DKK2: variants seen among roughly 807,000 people sequenced by gnomAD.
DKK2 encodes dickkopf-related protein 2.
DKK2 carries 11 observed loss-of-function variants against 28.1 expected under a neutral mutation model. The ratio of observed to expected loss-of-function variants is 0.39; its 90% CI spans 0.25 to 0.65. DKK2 has a LOEUF of 0.65. DKK2 is among the 30% of genes least tolerant of loss of function. The pLI, the probability that DKK2 is intolerant of heterozygous loss-of-function variation, is 0.47. For missense variants in DKK2, 326 were observed against 335.5 expected, an observed-to-expected ratio of 0.97 and a Z score of 0.22; for synonymous variants, 135 against 126.5, an observed-to-expected ratio of 1.07 and a Z score of -0.45.
intron 1 of DKK2, among the ~76,000 whole-genome samples, chr4:106,975,189 T>C (rs377253493): frequency 6.6e-6 from 1 of 152,160 alleles, no homozygotes; most frequent in East Asian, 1.9e-4. Flanking sequence ...TCAGGGACAT[T>C]GGTCTGAAAT....
chr4:106,938,793 A>C (rs1261969996), intron 1 of DKK2, among the ~76,000 whole-genome samples: 1 of 151,818 alleles, frequency 6.6e-6, no homozygotes, highest in Non-Finnish European at 1.5e-5. Context: ...CCTGGGATGC[A>C]AGGCTGGTTC....
At chr4:106,938,952 G>C (rs953679144) in intron 1 of DKK2, among the ~76,000 whole-genome samples, 2 of 151,416 alleles carry the variant, frequency 1.3e-5, no homozygotes, top group African/African-American at 4.9e-5. Flanking sequence ...GGTATTGATG[G>C]GATGTATTTC....
chr4:106,977,872 A>C (rs1294458265), intron 1 of DKK2, among the ~76,000 whole-genome samples: 1 of 151,956 alleles, frequency 6.6e-6, no homozygotes, highest in East Asian at 1.9e-4. Flanking sequence ...ATCATCATGG[A>C]TTTATCTACC....
intron 1 of DKK2, among the ~76,000 whole-genome samples, chr4:106,974,218 A>G (rs1484901111): frequency 2.6e-5 from 4 of 152,164 alleles, no homozygotes; most frequent in African/African-American, 9.7e-5. Flanking sequence ...TGTCTTGGCT[A>G]TATGGGCTCT....
chr4:106,952,428 T>A (rs1722475312), intron 1 of DKK2, among the ~76,000 whole-genome samples: 1 of 152,186 alleles, frequency 6.6e-6, no homozygotes, highest in African/African-American at 2.4e-5. Flanking sequence ...ATAGCAGAAC[T>A]TTCTTAAGCC....
chr4:106,959,057 T>A (rs573275701), intron 1 of DKK2, among the ~76,000 whole-genome samples: 1 of 150,856 alleles, frequency 6.6e-6, no homozygotes, highest in Admixed American at 6.6e-5. Context: ...TAAATACATA[T>A]GTGTAAATTT....
intron 1 of DKK2, among the ~76,000 whole-genome samples, chr4:107,034,976 A>G (rs911160932): frequency 4.6e-5 from 7 of 152,332 alleles, no homozygotes; most frequent in Non-Finnish European, 8.8e-5. Context: ...AAATGAGTGA[A>G]TATGTAAAAC....
At chr4:107,012,669 T>C (rs189541513) in intron 1 of DKK2, among the ~76,000 whole-genome samples, 3 of 151,358 alleles carry the variant, frequency 2.0e-5, no homozygotes, top group Non-Finnish European at 1.5e-5. Context: ...AGGAAACTTG[T>C]AAAAGCTTTA....
At chr4:106,983,962 C>A (rs4364337) in intron 1 of DKK2, among the ~76,000 whole-genome samples, 32,115 of 152,052 alleles carry the variant, frequency 0.21, 3,638 homozygotes, top group East Asian at 0.42. Context: ...AGAGAGCCCT[C>A]GGGCTGGTGA....
chr4:106,932,812 C>A (rs1053711513), intron 1 of DKK2, among the ~76,000 whole-genome samples: 3 of 152,138 alleles, frequency 2.0e-5, no homozygotes, highest in African/African-American at 7.2e-5. Flanking sequence ...AAAACATTTT[C>A]ATTGTTGCCT....
rs142288420 is a variant in DKK2, at chr4:107,022,909, C to T, written c.222+12461G>A. Among the ~76,000 whole-genome samples the T allele has an allele frequency of 1.6e-3, 237 of 151,932 alleles. 1 individual carries two copies. The highest frequency in any genetic ancestry group is 4.2e-3 in the South Asian group (20 of 4,792). On this transcript the variant is annotated intron_variant, in intron 1 of 3. Coordinates refer to ENST00000285311, the MANE Select transcript of DKK2 (RefSeq NM_014421.3). ...CTAACTTGGTCAAATGGTTGGGTGG[C>T]GATGCTAATGGCCTTTATATGGAAT...
chr4:106,937,152 A>G (rs1724602663), intron 1 of DKK2, among the ~76,000 whole-genome samples: 1 of 150,308 alleles, frequency 6.7e-6, no homozygotes, highest in Non-Finnish European at 1.5e-5. Context: ...AAATGCTCCA[A>G]TTAAAAGACA....
chr4:106,944,359 G>A (rs1010821168), intron 1 of DKK2, among the ~76,000 whole-genome samples: 5 of 152,010 alleles, frequency 3.3e-5, no homozygotes, highest in East Asian at 1.9e-4. Flanking sequence ...CATCAGAAAG[G>A]CAGACAATGC....
At chr4:106,997,950 G>A (rs985552261) in intron 1 of DKK2, among the ~76,000 whole-genome samples, 4 of 152,134 alleles carry the variant, frequency 2.6e-5, no homozygotes, top group African/African-American at 9.7e-5. Flanking sequence ...CTCTTCTAGA[G>A]GACATAATGG....
Position 106,976,654 on chromosome 4 carries a change from C to T in DKK2, c.223-50705G>A, listed in dbSNP as rs559678430. Among the ~76,000 whole-genome samples, 4 of 152,260 alleles carry T rather than the reference C, an allele frequency of 2.6e-5. No homozygotes were observed. In the South Asian group the frequency reaches 8.3e-4, roughly 32 times the overall value. ...TGTCTTTGCACATGAGATGGGTCCC[C>T]TGAATACAGCACACCAATGGGTTTT... On this transcript the variant is annotated intron_variant, in intron 1 of 3. Coordinates refer to ENST00000285311, the MANE Select transcript of DKK2 (RefSeq NM_014421.3).
At chr4:106,990,288 G>A (rs924916413) in intron 1 of DKK2, among the ~76,000 whole-genome samples, 3 of 152,128 alleles carry the variant, frequency 2.0e-5, no homozygotes, top group African/African-American at 7.2e-5. Flanking sequence ...GCTTCAAATT[G>A]GATGATGCAG....
intron 1 of DKK2, among the ~76,000 whole-genome samples, chr4:107,017,787 AGTT>A (rs1249387338): frequency 6.6e-6 from 1 of 151,988 alleles, no homozygotes; most frequent in African/African-American, 2.4e-5. Flanking sequence ...TTACTTTTAC[AGTT>A]GTTTTGTCAA....
At chr4:107,010,429 C>A (rs1723500074) in intron 1 of DKK2, among the ~76,000 whole-genome samples, 1 of 151,532 alleles carries the variant, frequency 6.6e-6, no homozygotes. Flanking sequence ...CAATTTAAGC[C>A]AAATCCAATA....
intron 1 of DKK2, among the ~76,000 whole-genome samples, chr4:107,030,390 A>T (rs1315754151): frequency 3.3e-5 from 5 of 152,064 alleles, no homozygotes; most frequent in Non-Finnish European, 2.9e-5. Flanking sequence ...GTGTAATCTT[A>T]AAGCGATGCT....
Sources: gnomAD v4.1 joint callset for allele counts (sites outside exome capture counted in the v4.1 genomes callset) on GRCh38, gnomAD v4.1.1 for gene constraint, MANE v1.5 for transcripts, NCBI Gene and HGNC (gene_info 2026-07-23, HGNC 2026-07-21) for gene names.